The following IL1RAPL1 variants were observed in gnomAD, a reference collection of about 807,000 sequenced individuals.
IL1RAPL1 encodes the protein interleukin 1 receptor accessory protein like 1, also known as interleukin-1 receptor accessory protein-like 1.
Under a neutral mutation model 48.4 loss-of-function variants are expected in IL1RAPL1, and 3 were observed. The observed-to-expected ratio is 0.06, with a 90% CI of 0.03 to 0.16. The LOEUF is 0.16. Ranked by LOEUF, IL1RAPL1 falls within the 10% of genes least tolerant of loss-of-function variation. The pLI is 1.00. For missense variants in IL1RAPL1, 349 were observed against 530.6 expected (o/e 0.66, Z 3.36); for synonymous variants, 185 against 187.7 (o/e 0.99, Z 0.12).
chrX:29,569,660 C>A (rs1478376643), intron 5 of IL1RAPL1, among the ~76,000 whole-genome samples: 1 of 108,817 alleles, frequency 9.2e-6, no homozygotes, highest in African/African-American at 3.3e-5. Context: ...GCCATTTTTT[C>A]CATTTATATT....
chrX:29,386,900 A>G, intron 3 of IL1RAPL1, among the ~76,000 whole-genome samples: 1 of 112,023 alleles, frequency 8.9e-6, no homozygotes, highest in Non-Finnish European at 1.9e-5. Flanking sequence ...TTAATAAATA[A>G]TATCATATAT....
chrX:29,109,764 A>G (rs17333845), intron 2 of IL1RAPL1, among the ~76,000 whole-genome samples: 13,454 of 111,539 alleles, frequency 0.12, 734 homozygotes, highest in Admixed American at 0.23. Context: ...CACTGTCAAA[A>G]AGTCTCCTCC....
chrX:29,323,950 A>G (rs1394833869), intron 3 of IL1RAPL1, among the ~76,000 whole-genome samples: 1 of 103,274 alleles, frequency 9.7e-6, no homozygotes, highest in Admixed American at 1.1e-4. Context: ...AGCCCATCAC[A>G]GTCCCCTAAG....
intron 1 of IL1RAPL1, among the ~76,000 whole-genome samples, chrX:28,636,477 G>A (rs1221265571): frequency 9.0e-6 from 1 of 111,707 alleles, no homozygotes; most frequent in East Asian, 2.8e-4. Flanking sequence ...GCAGGCAACT[G>A]TGTCTTTTTC....
At position 29,383,147 on chromosome X, in the gene IL1RAPL1, C is replaced by T. The variant is rs754517569; in HGVS notation, c.363-13111C>T. Among the ~76,000 whole-genome samples, 3 of 112,178 alleles carry T rather than the reference C, an allele frequency of 2.7e-5. No individual in the cohort carries two copies. In the South Asian group the frequency reaches 1.1e-3, roughly 41 times the overall value. ...CCATAATCTGAGTGCTAATACATCA[C>T]TGCAAACAACAGTAACAGGAATAAT... is the stretch of plus-strand genomic sequence containing the variant. On this transcript the variant is annotated intron_variant, in intron 3 of 10. Transcript: ENST00000378993.
intron 5 of IL1RAPL1, among the ~76,000 whole-genome samples, chrX:29,508,787 A>G (rs1935363270): frequency 9.0e-6 from 1 of 111,034 alleles, no homozygotes; most frequent in Non-Finnish European, 1.9e-5. Flanking sequence ...TGATGCTGTA[A>G]CTCCTTGGCA....
chrX:29,826,002 G>A (rs375003220), intron 6 of IL1RAPL1, among the ~76,000 whole-genome samples: 9 of 110,771 alleles, frequency 8.1e-5, no homozygotes, highest in Middle Eastern at 9.4e-3. Context: ...AGTTAATACC[G>A]CTGCCATTTT....
intron 1 of IL1RAPL1, among the ~76,000 whole-genome samples, chrX:28,624,414 C>T (rs1430965868): frequency 2.7e-5 from 3 of 111,835 alleles, no homozygotes; most frequent in Admixed American, 1.9e-4. Context: ...AACTGAGTCA[C>T]GTCGACCCTC....
At chrX:29,952,362 TGAG>T (rs1933335845) in intron 9 of IL1RAPL1, among the ~76,000 whole-genome samples, 1 of 111,739 alleles carries the variant, frequency 8.9e-6, no homozygotes, top group African/African-American at 3.2e-5. Flanking sequence ...CAATCTGGCC[TGAG>T]GAGTCCTTCC....
chrX:28,894,636 T>C (rs1330767638), intron 2 of IL1RAPL1, among the ~76,000 whole-genome samples: 1 of 110,469 alleles, frequency 9.1e-6, no homozygotes, highest in Non-Finnish European at 1.9e-5. Context: ...ATGAGAACTG[T>C]AGAGAGTGAG....
chrX:29,610,946 C>T (rs1443201369), intron 5 of IL1RAPL1, among the ~76,000 whole-genome samples: 3 of 112,215 alleles, frequency 2.7e-5, no homozygotes, highest in Non-Finnish European at 3.8e-5. Context: ...GGAGTCATGC[C>T]CTACAAACCA....
intron 6 of IL1RAPL1, among the ~76,000 whole-genome samples, chrX:29,689,719 T>C (rs1332093138): frequency 8.9e-6 from 1 of 112,361 alleles, no homozygotes; most frequent in African/African-American, 3.2e-5. Flanking sequence ...AGTGGGCAAC[T>C]GTTGTAGCCA....
intron 5 of IL1RAPL1, among the ~76,000 whole-genome samples, chrX:29,604,460 A>C (rs1186023648): frequency 9.0e-6 from 1 of 111,023 alleles, no homozygotes; most frequent in Non-Finnish European, 1.9e-5. Flanking sequence ...TTTTTTTGAG[A>C]GGTAGTCTCA....
intron 2 of IL1RAPL1, among the ~76,000 whole-genome samples, chrX:29,042,072 C>A (rs1314997137): frequency 9.0e-6 from 1 of 111,470 alleles, no homozygotes; most frequent in African/African-American, 3.3e-5. Flanking sequence ...CCTTCTTCCC[C>A]CAAAAGATAT....
chrX:28,921,598 A>G (rs1284754316), intron 2 of IL1RAPL1, among the ~76,000 whole-genome samples: 1 of 111,587 alleles, frequency 9.0e-6, no homozygotes. Flanking sequence ...TGCCTTAGGA[A>G]TAGCCTACAC....
intron 5 of IL1RAPL1, among the ~76,000 whole-genome samples, chrX:29,616,433 C>T (rs1303085686): frequency 9.2e-6 from 1 of 108,476 alleles, no homozygotes. Context: ...CACCCATTAA[C>T]TCGTCATTTA....
At chrX:28,722,076 A>G (rs1487652213) in intron 1 of IL1RAPL1, among the ~76,000 whole-genome samples, 2 of 111,147 alleles carry the variant, frequency 1.8e-5, no homozygotes, top group Non-Finnish European at 3.8e-5. Flanking sequence ...TTGGCAATGC[A>G]GGCTCTTTTT....
At chrX:28,727,012 A>G (rs1935684990) in intron 1 of IL1RAPL1, among the ~76,000 whole-genome samples, 1 of 112,005 alleles carries the variant, frequency 8.9e-6, no homozygotes, top group Non-Finnish European at 1.9e-5. Context: ...GGGACCAATG[A>G]TAAACTTTCT....
chrX:28,614,105 C>A (rs777184501), intron 1 of IL1RAPL1, among the ~76,000 whole-genome samples: 1 of 111,990 alleles, frequency 8.9e-6, no homozygotes, highest in Non-Finnish European at 1.9e-5. Context: ...TTCTCCTAAA[C>A]AATTACATGG....
Sources: gnomAD v4.1 joint callset for allele counts (sites outside exome capture counted in the v4.1 genomes callset) on GRCh38, gnomAD v4.1.1 for gene constraint, MANE v1.5 for transcripts, NCBI Gene and HGNC (gene_info 2026-07-23, HGNC 2026-07-21) for gene names.